Variants in CLEC12B observed in about 807,000 individuals in gnomAD.
The protein encoded by CLEC12B is macrophage antigen h.
A neutral mutation model predicts 36.1 loss-of-function variants in CLEC12B; 25 were observed. The ratio of observed to expected loss-of-function variants is 0.69; its 90% CI spans 0.50 to 0.97. The LOEUF (loss-of-function observed/expected upper bound fraction) is 0.97, where lower values mean the gene tolerates loss of function less well. Among genes scored for constraint, CLEC12B ranks in the 50% least tolerant of loss-of-function variants. The pLI, the probability that CLEC12B is intolerant of heterozygous loss-of-function variation, is 0.00. For synonymous variants in CLEC12B, 110 were observed against 108.5 expected (o/e 1.01, Z -0.09); for missense variants, 325 against 318.4 (o/e 1.02, Z -0.16).
chr12:10,018,189 G>T lies in CLEC12B; in HGVS notation c.681-142G>T, dbSNP rs1324011972. ...GCAGATTTTGTGCCAGCTTTAGGCA[G>T]CTTCAGATTTTGAAGCTTTGTGGAG... On this transcript the variant is annotated intron_variant, in intron 5 of 5. Coordinates refer to ENST00000338896, the MANE Select transcript of CLEC12B (RefSeq NM_001129998.3). The T allele has an allele frequency of 1.3e-5, 9 of 668,230 alleles. No individual in the cohort carries two copies. In the South Asian group the frequency reaches 3.2e-4, roughly 24 times the overall value. The allele number at this position is 668,230 out of a possible 1,614,324, so 41.4% of individuals were successfully genotyped here.
intron 2 of CLEC12B, 47 bp downstream of exon 2, chr12:10,012,930 T>C (rs1393871631): frequency 1.5e-6 from 2 of 1,344,226 alleles, no homozygotes; most frequent in East Asian, 4.6e-5. Context: ...AGAAAACATA[T>C]TGTAAACCAT....
chr12:10,014,798 T>C (rs1395416244), intron 3 of CLEC12B, 57 bp downstream of exon 3: 8 of 1,191,564 alleles, frequency 6.7e-6, no homozygotes, highest in African/African-American at 3.0e-5. Flanking sequence ...CTGGTCTAAG[T>C]TGATCACATG....
chr12:10,014,012 G>T (rs1238375462), intron 2 of CLEC12B, among the ~76,000 whole-genome samples: 1 of 152,124 alleles, frequency 6.6e-6, no homozygotes, highest in Non-Finnish European at 1.5e-5. Flanking sequence ...TGCTGATGAA[G>T]CACCTTAAAT....
chr12:10,015,098 G>A, intron 3 of CLEC12B, 154 bp from the exon 4 acceptor site: 1 of 675,430 alleles, frequency 1.5e-6, no homozygotes, highest in South Asian at 2.1e-5. Flanking sequence ...CCCATAACCA[G>A]GGGTCACTTT....
chr12:10,014,448 G>T, intron 2 of CLEC12B, 75 bp from the exon 3 acceptor site: 1 of 1,064,420 alleles, frequency 9.4e-7, no homozygotes, highest in South Asian at 1.5e-5. Flanking sequence ...ATTAAGAAAT[G>T]TTTCTGTCAC....
chr12:10,010,237 C>CACAT (rs71049033), upstream of CLEC12B, among the ~76,000 whole-genome samples: 1 of 149,982 alleles, frequency 6.7e-6, no homozygotes, highest in Non-Finnish European at 1.5e-5. Flanking sequence ...CACACACACA[C>CACAT]GCTTGAATTT....
intron 5 of CLEC12B, chr12:10,017,207 T>C (rs557855532): frequency 2.0e-6 from 2 of 985,312 alleles, no homozygotes; most frequent in South Asian, 9.4e-5. Context: ...ATCAAGTCAA[T>C]TAGTTTGGTT....
At chr12:10,014,882 C>A in intron 3 of CLEC12B, 141 bp downstream of exon 3, 1 of 645,648 alleles carries the variant, frequency 1.5e-6, no homozygotes, top group Non-Finnish European at 2.7e-6. Context: ...TTACACACAG[C>A]AAGGAAATAT....
chr12:10,017,886 C>A, intron 5 of CLEC12B: 3 of 970,764 alleles, frequency 3.1e-6, no homozygotes, highest in Non-Finnish European at 3.7e-6. Flanking sequence ...TTACCCACCA[C>A]ATATGTATAA....
chr12:10,010,568 A>C, upstream of CLEC12B: 1 of 470,366 alleles, frequency 2.1e-6, no homozygotes. Context: ...TCTAAGGAGA[A>C]TATTTGGCTT....
Position 10,015,445 on chromosome 12 carries a change from C to T in CLEC12B, c.564+39C>T, listed in dbSNP as rs180738566. On this transcript the variant is annotated intron_variant, in intron 4 of 5. Transcript: ENST00000338896. ...TCATTCTCTAGTTATAGACATTATCCATACAATGAGAGAGAAATAAATAAA... is the reference window on the plus strand; with the variant it reads ...TCATTCTCTAGTTATAGACATTATCTATACAATGAGAGAGAAATAAATAAA... 8.2e-6 allele frequency: 13 copies of T among 1,586,122 alleles called. No homozygotes were observed. The Admixed American group carries it at 1.4e-4, about 17-fold the overall frequency.
chr12:10,011,032 G>A (rs1865315669), intron 1 of CLEC12B, among the ~76,000 whole-genome samples, 182 bp downstream of exon 1: 1 of 152,182 alleles, frequency 6.6e-6, no homozygotes, highest in Non-Finnish European at 1.5e-5. Flanking sequence ...AAAATATGTG[G>A]CTTTCAGAAC....
chr12:10,018,307 A>G, intron 5 of CLEC12B, 24 bp from the exon 6 acceptor site: 2 of 1,322,556 alleles, frequency 1.5e-6, no homozygotes, highest in South Asian at 1.4e-5. Context: ...CAGAATTTAT[A>G]ATTAATTTTA....
chr12:10,014,251 ATGAC>A (rs1865415267), intron 2 of CLEC12B, among the ~76,000 whole-genome samples: 1 of 152,208 alleles, frequency 6.6e-6, no homozygotes. Flanking sequence ...GAGTGGCAGA[ATGAC>A]TGGCCCTTCC....
chr12:10,013,285 T>G (rs188056236), intron 2 of CLEC12B: 13 of 232,250 alleles, frequency 5.6e-5, no homozygotes, highest in Admixed American at 4.6e-4. Flanking sequence ...AGGTTCAGTC[T>G]GCTTACATGA....
Position 10,014,704 on chromosome 12 carries a change from C to T in CLEC12B, c.372C>T (p.Ala124=), listed in dbSNP as rs745955650. ...SSVLKRQEQM[A]IKLCQELIIH... Reference sequence around the variant, plus strand: ...TACTGAAGAGGCAGGAACAAATGGCCATCAAACTGTGCCAAGAGCTAATCA... The same window carrying T: ...TACTGAAGAGGCAGGAACAAATGGCTATCAAACTGTGCCAAGAGCTAATCA... The change falls in exon 3 of 6, where the codon GCC becomes GCT. Residue 124 remains alanine, a synonymous_variant. Coordinates refer to ENST00000338896, the MANE Select transcript of CLEC12B (RefSeq NM_001129998.3). The T allele has an allele frequency of 3.1e-6, 5 of 1,613,404 alleles. No homozygotes were observed. In the Admixed American group the frequency reaches 8.3e-5, roughly 27 times the overall value.
At chr12:10,006,987 G>A (rs185617992), upstream of CLEC12B, among the ~76,000 whole-genome samples, 110 of 151,962 alleles carry the variant, frequency 7.2e-4, 1 homozygote, top group East Asian at 0.015. Flanking sequence ...CCTGGGAGGC[G>A]GAGCTTGCAG....
chr12:10,018,496 A>G lies in CLEC12B; in HGVS notation c.*15A>G. The stretch of plus-strand genomic sequence containing the variant: ...ATTTGGATTAGTATGCTTCTTCCAA[A>G]TTCTCCAAGAAGTAAGAGACTTGTG... On this transcript the variant is annotated 3_prime_UTR_variant, in exon 6 of 6. Coordinates refer to ENST00000338896, the MANE Select transcript of CLEC12B (RefSeq NM_001129998.3). 4 of 1,546,652 alleles carry G rather than the reference A, an allele frequency of 2.6e-6. No homozygotes were observed. Among genetic ancestry groups the G allele is most frequent in the African/African-American group, 2.7e-5 (2 of 72,762 alleles).
Position 10,015,742 on chromosome 12 carries a change from A to C in CLEC12B, c.680+15A>C. The C allele has an allele frequency of 6.2e-7, 1 of 1,612,324 alleles. No homozygotes were observed. The highest frequency in any genetic ancestry group is 8.5e-7 in the Non-Finnish European group (1 of 1,179,250). On this transcript the variant is annotated intron_variant, in intron 5 of 5. Transcript: ENST00000338896. ...TCTCCATCCTTGTACGTCTCTAACT[A>C]TTGAGGGTAAACACAAGCTTTCCAT...
Sources: allele counts gnomAD v4.1 joint callset (sites outside exome capture counted in the v4.1 genomes callset), GRCh38; gene constraint gnomAD v4.1.1; transcripts MANE v1.5; gene names NCBI Gene and HGNC (gene_info 2026-07-23, HGNC 2026-07-21).